The following MAST2 variants were observed in gnomAD, a reference collection of about 807,000 sequenced individuals.
MAST2 encodes microtubule-associated serine/threonine-protein kinase 2.
MAST2 carries 70 observed loss-of-function variants against 147.4 expected under a neutral mutation model. The observed-to-expected ratio is 0.47, with a 90% CI of 0.39 to 0.58. The LOEUF (loss-of-function observed/expected upper bound fraction) is 0.58. MAST2 is among the 20% of genes least tolerant of loss of function. The probability of loss-of-function intolerance (pLI) is 0.00; values close to 1 mark genes in which losing one functional copy is unlikely to be tolerated. For missense variants in MAST2, 2,080 were observed against 2,302.3 expected, an observed-to-expected ratio of 0.90 and a Z score of 1.98; for synonymous variants, 869 against 896.8, an observed-to-expected ratio of 0.97 and a Z score of 0.55.
chr1:45,955,965 A>G (rs1216649357), intron 4 of MAST2, among the ~76,000 whole-genome samples: 1 of 152,180 alleles, frequency 6.6e-6, no homozygotes, highest in Non-Finnish European at 1.5e-5. Context: ...ACATGAAGAT[A>G]ATGAACAGAT....
chr1:45,962,558 A>C (rs1312099768), intron 5 of MAST2, among the ~76,000 whole-genome samples: 4 of 152,236 alleles, frequency 2.6e-5, no homozygotes, highest in Non-Finnish European at 4.4e-5. Context: ...TGTTGGCTGC[A>C]TAAATGTCTT....
At chr1:46,030,343 G>A in intron 21 of MAST2, 105 bp downstream of exon 21, 2 of 1,135,022 alleles carry the variant, frequency 1.8e-6, no homozygotes, top group Non-Finnish European at 2.6e-6. Context: ...TGGGGTTGGG[G>A]CCACCTCTAG....
intron 8 of MAST2, among the ~76,000 whole-genome samples, chr1:46,007,329 T>G (rs1645527245): frequency 6.6e-6 from 1 of 152,070 alleles, no homozygotes; most frequent in Non-Finnish European, 1.5e-5. Context: ...CAATGACTGG[T>G]TCAGGTGTAG....
intron 3 of MAST2, among the ~76,000 whole-genome samples, chr1:45,860,457 C>T (rs979067912): frequency 5.3e-5 from 8 of 151,744 alleles, no homozygotes; most frequent in Non-Finnish European, 7.4e-5. Flanking sequence ...TTTTTCTTGG[C>T]AGTCCTTCCC....
chr1:46,034,058 C>T lies in MAST2; in HGVS notation c.3675-15C>T, dbSNP rs764827072. ...CTCACTGCACCGACTCAGCCTTTGA[C>T]CCTTATCCCCGCAGCAGAAAAAGGA... On this transcript the variant is annotated splice_polypyrimidine_tract_variant and intron_variant, in intron 27 of 28. Transcript: ENST00000361297. The T allele has an allele frequency of 6.2e-7, 1 of 1,610,866 alleles. No individual in the cohort carries two copies. Among genetic ancestry groups the T allele is most frequent in the Non-Finnish European group, 8.5e-7 (1 of 1,178,344 alleles).
chr1:45,835,131 C>T (rs1480376990), intron 3 of MAST2, among the ~76,000 whole-genome samples: 1 of 151,962 alleles, frequency 6.6e-6, no homozygotes, highest in Non-Finnish European at 1.5e-5. Flanking sequence ...CTTAGGAGGC[C>T]ATCAAGTATC....
chr1:45,923,231 T>C (rs1358275402), intron 4 of MAST2, among the ~76,000 whole-genome samples: 1 of 152,088 alleles, frequency 6.6e-6, no homozygotes, highest in African/African-American at 2.4e-5. Flanking sequence ...GCAGTGGGCC[T>C]GTAGGGGGGC....
intron 3 of MAST2, among the ~76,000 whole-genome samples, chr1:45,879,984 A>G (rs1196005909): frequency 1.3e-5 from 2 of 152,212 alleles, no homozygotes; most frequent in African/African-American, 2.4e-5. Flanking sequence ...TAGGATGTGA[A>G]GCAGTTGAAA....
At chr1:45,841,584 G>T (rs1026292768) in intron 3 of MAST2, among the ~76,000 whole-genome samples, 2 of 152,032 alleles carry the variant, frequency 1.3e-5, no homozygotes, top group African/African-American at 4.8e-5. Context: ...ACAGGATTTC[G>T]CCATGTTGTG....
intron 4 of MAST2, among the ~76,000 whole-genome samples, chr1:45,955,610 A>G (rs1216155434): frequency 6.6e-6 from 1 of 152,158 alleles, no homozygotes; most frequent in Non-Finnish European, 1.5e-5. Context: ...GTACTTGAGC[A>G]AAGACCTGAA....
chr1:46,000,637 A>G (rs1190062863), intron 6 of MAST2, among the ~76,000 whole-genome samples: 1 of 152,162 alleles, frequency 6.6e-6, no homozygotes, highest in East Asian at 1.9e-4. Context: ...CTGTCCTCTT[A>G]TACAACATAG....
intron 1 of MAST2, among the ~76,000 whole-genome samples, chr1:45,807,994 G>A (rs10437063): frequency 0.34 from 51,674 of 152,090 alleles, 9,185 homozygotes; most frequent in African/African-American, 0.44. Context: ...TGATCAGCAA[G>A]CATCTACATC....
At chr1:45,923,680 C>G (rs1338081405) in intron 4 of MAST2, among the ~76,000 whole-genome samples, 1 of 152,164 alleles carries the variant, frequency 6.6e-6, no homozygotes, top group Non-Finnish European at 1.5e-5. Context: ...TTCCATGTCT[C>G]CATCTGAGAT....
chr1:45,831,073 T>G (rs554005051), intron 3 of MAST2, among the ~76,000 whole-genome samples: 2 of 151,324 alleles, frequency 1.3e-5, no homozygotes, highest in African/African-American at 2.4e-5. Flanking sequence ...CTAGGCTTTG[T>G]GTGATAGGCA....
chr1:45,904,757 C>A (rs560679384), intron 4 of MAST2, among the ~76,000 whole-genome samples: 1 of 152,230 alleles, frequency 6.6e-6, no homozygotes, highest in East Asian at 1.9e-4. Flanking sequence ...CGAGCCACCG[C>A]ACCCAACCCA....
chr1:45,809,265 G>A (rs1644226366), intron 1 of MAST2, among the ~76,000 whole-genome samples: 1 of 152,160 alleles, frequency 6.6e-6, no homozygotes, highest in East Asian at 1.9e-4. Context: ...ACTTTAATTA[G>A]TCATCAGTTT....
intron 1 of MAST2, among the ~76,000 whole-genome samples, chr1:45,820,010 C>T (rs956016371): frequency 1.3e-5 from 2 of 152,108 alleles, no homozygotes; most frequent in Non-Finnish European, 2.9e-5. Context: ...ACCAATAGAA[C>T]GGAATAGAGA....
intron 4 of MAST2, among the ~76,000 whole-genome samples, chr1:45,920,529 A>G (rs920982475): frequency 1.3e-5 from 2 of 152,162 alleles, no homozygotes. Flanking sequence ...GGTAAATCTG[A>G]TCTCTGATTC....
chr1:45,864,793 T>G (rs1299254048), intron 3 of MAST2, among the ~76,000 whole-genome samples: 2 of 152,206 alleles, frequency 1.3e-5, no homozygotes, highest in African/African-American at 4.8e-5. Context: ...CCCGGAACCT[T>G]TTGTTCTTTT....
Sources: gnomAD v4.1 joint callset for allele counts (sites outside exome capture counted in the v4.1 genomes callset) on GRCh38, gnomAD v4.1.1 for gene constraint, MANE v1.5 for transcripts, NCBI Gene and HGNC (gene_info 2026-07-23, HGNC 2026-07-21) for gene names.